Variants in CSMD1 observed in about 807,000 individuals in gnomAD.
The protein encoded by CSMD1 is CUB and sushi domain-containing protein 1.
Under a neutral mutation model 417.5 loss-of-function variants are expected in CSMD1, and 213 were observed. The ratio of observed to expected loss-of-function variants is 0.51; its 90% CI spans 0.46 to 0.57. CSMD1 has a LOEUF of 0.57. CSMD1 is among the 20% of genes least tolerant of loss of function. CSMD1 has a pLI of 0.00. For missense variants in CSMD1, 6,923 were observed against 4,529.7 expected, an observed-to-expected ratio of 1.53 and a Z score of -15.17; for synonymous variants, 2,862 against 1,736.8, an observed-to-expected ratio of 1.65 and a Z score of -16.11.
intron 2 of CSMD1, among the ~76,000 whole-genome samples, chr8:4,588,418 CTCTT>C (rs1359414246): frequency 1.7e-5 from 2 of 118,004 alleles, no homozygotes; most frequent in African/African-American, 6.1e-5. Context: ...AAAGAACTAT[CTCTT>C]CCTCTAGATA....
At chr8:4,193,026 G>C (rs1799119964) in intron 3 of CSMD1, among the ~76,000 whole-genome samples, 1 of 152,108 alleles carries the variant, frequency 6.6e-6, no homozygotes, top group Non-Finnish European at 1.5e-5. Context: ...AACTGATCTT[G>C]GAATATCTTA....
At chr8:4,507,357 ACT>A (rs1201920553) in intron 2 of CSMD1, among the ~76,000 whole-genome samples, 1 of 152,062 alleles carries the variant, frequency 6.6e-6, no homozygotes, top group Non-Finnish European at 1.5e-5. Context: ...TGTTTACAAG[ACT>A]CTCCCATTAG....
intron 11 of CSMD1, among the ~76,000 whole-genome samples, chr8:3,473,506 C>G (rs1585216466): frequency 6.6e-6 from 1 of 152,190 alleles, no homozygotes; most frequent in South Asian, 2.1e-4. Context: ...GTTTTTAGAA[C>G]TATTTTGGCT....
At chr8:4,159,122 G>A (rs568319042) in intron 3 of CSMD1, among the ~76,000 whole-genome samples, 2 of 152,086 alleles carry the variant, frequency 1.3e-5, no homozygotes, top group African/African-American at 4.8e-5. Context: ...CTCCATAGTT[G>A]GCAGGCTGGT....
intron 1 of CSMD1, among the ~76,000 whole-genome samples, chr8:4,955,668 C>A (rs563539755): frequency 6.6e-6 from 1 of 152,232 alleles, no homozygotes; most frequent in Admixed American, 6.5e-5. Flanking sequence ...ATTGGCCAGG[C>A]TGGTCTCGAA....
chr8:3,040,302 T>A (rs1810999316), intron 50 of CSMD1, among the ~76,000 whole-genome samples: 1 of 151,460 alleles, frequency 6.6e-6, no homozygotes, highest in Non-Finnish European at 1.5e-5. Context: ...ATATATAGCT[T>A]GGAGAAGCTT....
chr8:3,349,131 G>C (rs918234187), intron 21 of CSMD1, among the ~76,000 whole-genome samples: 3 of 152,192 alleles, frequency 2.0e-5, no homozygotes, highest in African/African-American at 4.8e-5. Context: ...TAATTGTCAG[G>C]TTGGAAACCA....
rs578243585 is a variant in CSMD1 at position 4,143,158 on chromosome 8, G to A, written c.416-111059C>T. Among the ~76,000 whole-genome samples, 237 of 151,044 alleles carry A rather than the reference G, an allele frequency of 1.6e-3. 16 individuals are homozygous for A. The highest frequency in any genetic ancestry group is 5.8e-3 in the African/African-American group (233 of 40,458). On this transcript the variant is annotated intron_variant, in intron 3 of 69. Transcript: ENST00000635120. ...CATTTCTAGAGAAACAAATGCACTA[G>A]CAAATGTGAGTGTTCAAAACAGGTA...
chr8:4,076,635 T>G (rs951345445), intron 3 of CSMD1, among the ~76,000 whole-genome samples: 4 of 152,206 alleles, frequency 2.6e-5, no homozygotes, highest in Admixed American at 2.6e-4. Context: ...ACCTTTATTA[T>G]AAGGATTATT....
chr8:4,878,006 G>A (rs920384001), intron 1 of CSMD1, among the ~76,000 whole-genome samples: 2 of 152,030 alleles, frequency 1.3e-5, no homozygotes, highest in Admixed American at 1.3e-4. Context: ...TTCAGAAATA[G>A]GACCTGTCAG....
intron 1 of CSMD1, among the ~76,000 whole-genome samples, chr8:4,886,861 T>A (rs1332870102): frequency 6.6e-6 from 1 of 152,096 alleles, no homozygotes; most frequent in Non-Finnish European, 1.5e-5. Flanking sequence ...AAGTAACTTT[T>A]CTTTTTGCTT....
intron 3 of CSMD1, among the ~76,000 whole-genome samples, chr8:4,371,295 G>A (rs570446001): frequency 2.1e-4 from 32 of 152,196 alleles, no homozygotes; most frequent in Non-Finnish European, 4.7e-4. Flanking sequence ...TGCTGGGCTG[G>A]AGAGGCCAAG....
chr8:3,515,535 G>A (rs891709656), intron 10 of CSMD1, among the ~76,000 whole-genome samples: 1 of 152,170 alleles, frequency 6.6e-6, no homozygotes, highest in African/African-American at 2.4e-5. Context: ...CTGTTCAGGA[G>A]AATGAGAAAG....
chr8:4,011,455 C>T (rs1453780696), intron 4 of CSMD1, among the ~76,000 whole-genome samples: 1 of 152,172 alleles, frequency 6.6e-6, no homozygotes, highest in East Asian at 1.9e-4. Context: ...AAGATGTCCA[C>T]ATTTGCGGTC....
rs1274979243 is a variant in CSMD1, at chr8:3,318,469, G to C, written c.3632-9966C>G. Among the ~76,000 whole-genome samples the C allele has an allele frequency of 2.0e-5, 3 of 152,140 alleles. No homozygotes were observed. In the East Asian group the frequency reaches 5.8e-4, roughly 29 times the overall value. ...AACTGACCTCAGTCCTTGCTCACCA[G>C]AAACTCATAGTCTGTGTAGATAAAA... On this transcript the variant is annotated intron_variant, in intron 23 of 69. Transcript: ENST00000635120.
At position 4,900,091 on chromosome 8, in the gene CSMD1, C is replaced by T. The variant is rs115067242; in HGVS notation, c.85+94241G>A. 8.2e-3 allele frequency among the ~76,000 whole-genome samples: 1,247 copies of T among 152,272 alleles called. 12 individuals are homozygous for T. The highest frequency in any genetic ancestry group is 0.026 in the African/African-American group (1,098 of 41,544). The stretch of plus-strand genomic sequence containing the variant: ...CTGGTAGTTCCTTCTGCTTCCACTG[C>T]AGACTCACCTTCCACCTTCCCATGC... On this transcript the variant is annotated intron_variant, in intron 1 of 69. Transcript: ENST00000635120.
At chr8:4,702,690 A>G (rs1047891001) in intron 1 of CSMD1, among the ~76,000 whole-genome samples, 2 of 152,176 alleles carry the variant, frequency 1.3e-5, no homozygotes, top group Admixed American at 1.3e-4. Context: ...ATACAACCGT[A>G]TTTCTATTGC....
chr8:4,026,407 G>A (rs191516598), intron 4 of CSMD1, among the ~76,000 whole-genome samples: 1 of 152,314 alleles, frequency 6.6e-6, no homozygotes, highest in East Asian at 1.9e-4. Flanking sequence ...CACATGGGTG[G>A]CAGCATAGGA....
intron 3 of CSMD1, among the ~76,000 whole-genome samples, chr8:4,114,747 G>T (rs1184486527): frequency 6.6e-6 from 1 of 152,168 alleles, no homozygotes; most frequent in East Asian, 1.9e-4. Flanking sequence ...ACACTTTACA[G>T]TTGAGTTTCA....
Sources: gnomAD v4.1 joint callset for allele counts (sites outside exome capture counted in the v4.1 genomes callset) on GRCh38, gnomAD v4.1.1 for gene constraint, MANE v1.5 for transcripts, NCBI Gene and HGNC (gene_info 2026-07-23, HGNC 2026-07-21) for gene names.